The following IMMP2L variants were observed in gnomAD, a reference collection of about 807,000 sequenced individuals.
IMMP2L encodes the protein inner mitochondrial membrane peptidase subunit 2.
A neutral mutation model predicts 19.3 loss-of-function variants in IMMP2L; 18 were observed. The observed-to-expected ratio is 0.93, with a 90% CI of 0.64 to 1.38. The LOEUF (loss-of-function observed/expected upper bound fraction) is 1.38. IMMP2L is among the 40% of genes most tolerant of loss of function. The probability of loss-of-function intolerance (pLI) is 0.00; values close to 1 mark genes in which losing one functional copy is unlikely to be tolerated. For missense variants in IMMP2L, 233 were observed against 218.2 expected, an observed-to-expected ratio of 1.07 and a Z score of -0.43; for synonymous variants, 76 against 73.0, an observed-to-expected ratio of 1.04 and a Z score of -0.21.
intron 5 of IMMP2L, among the ~76,000 whole-genome samples, chr7:110,669,103 A>ATG (rs1791705030): frequency 7.8e-5 from 11 of 140,534 alleles, no homozygotes; most frequent in African/African-American, 2.9e-4. Flanking sequence ...ATGTATATAT[A>ATG]TATATAGAGA....
At chr7:111,194,209 A>C (rs935290079) in intron 3 of IMMP2L, among the ~76,000 whole-genome samples, 5 of 152,186 alleles carry the variant, frequency 3.3e-5, no homozygotes, top group Non-Finnish European at 7.3e-5. Flanking sequence ...TCAGGGTTCT[A>C]GTTCTTCTGT....
At chr7:111,162,596 A>T (rs1231117804) in intron 3 of IMMP2L, among the ~76,000 whole-genome samples, 1 of 151,630 alleles carries the variant, frequency 6.6e-6, no homozygotes, top group African/African-American at 2.4e-5. Flanking sequence ...TACAGAAGGC[A>T]TGTTTGTGAA....
chr7:111,135,268 A>G (rs1001787697), intron 3 of IMMP2L, among the ~76,000 whole-genome samples: 3 of 152,214 alleles, frequency 2.0e-5, no homozygotes, highest in African/African-American at 7.2e-5. Flanking sequence ...ATATCTATAA[A>G]GTACTTTTTA....
intron 3 of IMMP2L, among the ~76,000 whole-genome samples, chr7:111,311,165 A>G (rs1338281800): frequency 6.6e-6 from 1 of 152,124 alleles, no homozygotes; most frequent in Non-Finnish European, 1.5e-5. Context: ...TCTGCAAGCT[A>G]CAGAGGATAT....
At chr7:111,490,080 G>A (rs963417762) in intron 2 of IMMP2L, among the ~76,000 whole-genome samples, 1 of 148,406 alleles carries the variant, frequency 6.7e-6, no homozygotes, top group Admixed American at 6.7e-5. Context: ...ACACACGTGA[G>A]CCACCACGCC....
chr7:111,423,417 T>G (rs1293912352), intron 3 of IMMP2L, among the ~76,000 whole-genome samples: 1 of 151,806 alleles, frequency 6.6e-6, no homozygotes, highest in African/African-American at 2.4e-5. Flanking sequence ...TATTTAGAGA[T>G]TCAACTTCTT....
intron 5 of IMMP2L, among the ~76,000 whole-genome samples, chr7:110,773,909 T>TAAA (rs67518606): frequency 7.2e-6 from 1 of 138,502 alleles, no homozygotes; most frequent in African/African-American, 2.6e-5. Context: ...TTGGGTAAAA[T>TAAA]AAAAAAAAAA....
intron 3 of IMMP2L, among the ~76,000 whole-genome samples, chr7:111,265,480 C>A (rs915427999): frequency 1.3e-5 from 2 of 151,972 alleles, no homozygotes; most frequent in African/African-American, 4.8e-5. Context: ...GCTTTAGAGA[C>A]CAATTCTTAT....
chr7:111,241,691 T>G (rs1815063164), intron 3 of IMMP2L, among the ~76,000 whole-genome samples: 1 of 151,180 alleles, frequency 6.6e-6, no homozygotes, highest in Non-Finnish European at 1.5e-5. Context: ...TATACATAAG[T>G]ATAAATTGTA....
At chr7:110,880,843 T>A (rs1809565498) in intron 5 of IMMP2L, among the ~76,000 whole-genome samples, 1 of 152,132 alleles carries the variant, frequency 6.6e-6, no homozygotes, top group Admixed American at 6.6e-5. Flanking sequence ...AGGAACAGTA[T>A]CTGTGATAGC....
intron 3 of IMMP2L, among the ~76,000 whole-genome samples, chr7:111,163,652 G>A (rs1474430345): frequency 1.3e-5 from 2 of 152,044 alleles, no homozygotes; most frequent in African/African-American, 4.8e-5. Context: ...CTTTAGATGA[G>A]GGTAGGAAGG....
intron 1 of IMMP2L, among the ~76,000 whole-genome samples, chr7:111,538,729 G>A (rs1290548688): frequency 6.7e-6 from 1 of 148,274 alleles, no homozygotes; most frequent in Non-Finnish European, 1.5e-5. Flanking sequence ...AGGATCACTT[G>A]AGCCAAGGAG....
intron 3 of IMMP2L, chr7:111,392,944 G>A (rs757404166): frequency 1.2e-4 from 52 of 420,588 alleles, no homozygotes; most frequent in East Asian, 6.4e-4. Context: ...GGATGTGTTC[G>A]CCAATTATAA....
Position 111,214,671 on chromosome 7 carries a change from T to C in IMMP2L, c.240-251106A>G, listed in dbSNP as rs1258166383. ...CCTGGCCAATTTTTTTTCAAATTTA[T>C]GTTAAATCTCACCTAAATAAAATAT... is the stretch of plus-strand genomic sequence containing the variant. On this transcript the variant is annotated intron_variant, in intron 3 of 5. Coordinates refer to ENST00000405709, the MANE Select transcript of IMMP2L (RefSeq NM_032549.4). Among the ~76,000 whole-genome samples the C allele has an allele frequency of 4.8e-5, 7 of 147,074 alleles. No homozygotes were observed. The East Asian group carries it at 1.4e-3, about 29-fold the overall frequency.
intron 3 of IMMP2L, among the ~76,000 whole-genome samples, chr7:111,160,275 T>C (rs1805108360): frequency 6.6e-6 from 1 of 152,086 alleles, no homozygotes; most frequent in African/African-American, 2.4e-5. Context: ...ATTATAACGC[T>C]ATAATAAAAT....
intron 3 of IMMP2L, among the ~76,000 whole-genome samples, chr7:111,162,213 C>T (rs890939297): frequency 1.8e-4 from 28 of 151,866 alleles, no homozygotes; most frequent in African/African-American, 6.8e-4. Context: ...TTTACATCTC[C>T]CTAAATGCAT....
chr7:110,777,396 G>T (rs534083694), intron 5 of IMMP2L, among the ~76,000 whole-genome samples: 1 of 151,980 alleles, frequency 6.6e-6, no homozygotes, highest in Admixed American at 6.6e-5. Context: ...GTAGTCATCC[G>T]GGACAATTTG....
intron 5 of IMMP2L, among the ~76,000 whole-genome samples, chr7:110,718,776 G>A (rs1795386320): frequency 6.6e-6 from 1 of 152,144 alleles, no homozygotes; most frequent in Non-Finnish European, 1.5e-5. Flanking sequence ...CCAAACTGAG[G>A]TGGGAGCCTC....
At chr7:110,741,368 T>C (rs1796979045) in intron 5 of IMMP2L, among the ~76,000 whole-genome samples, 2 of 152,238 alleles carry the variant, frequency 1.3e-5, no homozygotes. Flanking sequence ...ATACTGAAGC[T>C]TAATTTCCAG....
Sources: gnomAD v4.1 joint callset for allele counts (sites outside exome capture counted in the v4.1 genomes callset) on GRCh38, gnomAD v4.1.1 for gene constraint, MANE v1.5 for transcripts, NCBI Gene and HGNC (gene_info 2026-07-23, HGNC 2026-07-21) for gene names.